Variants in CDH18 observed in about 807,000 individuals in gnomAD.
CDH18 encodes the protein cadherin 18, also known as cadherin-18.
A neutral mutation model predicts 67.9 loss-of-function variants in CDH18; 31 were observed. The ratio of observed to expected loss-of-function variants is 0.46; its 90% CI spans 0.34 to 0.62. The LOEUF (loss-of-function observed/expected upper bound fraction) is 0.62, where lower values mean the gene tolerates loss of function less well. CDH18 is among the 20% of genes least tolerant of loss of function. The probability of loss-of-function intolerance (pLI) is 0.01; values close to 1 mark genes in which losing one functional copy is unlikely to be tolerated. For missense variants in CDH18, 890 were observed against 975.5 expected, an observed-to-expected ratio of 0.91 and a Z score of 1.17; for synonymous variants, 362 against 347.2, an observed-to-expected ratio of 1.04 and a Z score of -0.48.
intron 5 of CDH18, among the ~76,000 whole-genome samples, chr5:19,670,370 T>C (rs937308071): frequency 2.0e-5 from 3 of 152,130 alleles, no homozygotes; most frequent in African/African-American, 7.2e-5. Context: ...ACAGCGTATC[T>C]GCATAGATTT....
intron 5 of CDH18, among the ~76,000 whole-genome samples, chr5:19,648,528 G>A (rs1229688415): frequency 6.6e-6 from 1 of 152,054 alleles, no homozygotes; most frequent in Non-Finnish European, 1.5e-5. Flanking sequence ...TTGTTTTATT[G>A]TTTTCAAATT....
At chr5:20,059,333 G>A (rs1220806734) in intron 2 of CDH18, among the ~76,000 whole-genome samples, 1 of 152,058 alleles carries the variant, frequency 6.6e-6, no homozygotes, top group Non-Finnish European at 1.5e-5. Context: ...GCCTCCTTCA[G>A]TTCTGCTCTG....
chr5:19,554,488 T>A (rs554178654), intron 8 of CDH18, among the ~76,000 whole-genome samples: 3 of 151,892 alleles, frequency 2.0e-5, no homozygotes, highest in Admixed American at 2.0e-4. Flanking sequence ...AGGAGGTGGT[T>A]GCAGTGAGCC....
intron 5 of CDH18, among the ~76,000 whole-genome samples, chr5:19,641,779 CTCTCATTATT>C (rs952820676): frequency 3.3e-5 from 5 of 151,846 alleles, no homozygotes; most frequent in African/African-American, 1.2e-4. Context: ...AGGATATCCA[CTCTCATTATT>C]TCTTTTCAAC....
intron 1 of CDH18, among the ~76,000 whole-genome samples, chr5:20,393,966 T>A (rs1458405614): frequency 3.9e-5 from 6 of 151,998 alleles, no homozygotes; most frequent in Non-Finnish European, 5.9e-5. Context: ...TTCAATATCA[T>A]GACAATGACC....
chr5:19,554,047 C>T (rs911348328), intron 8 of CDH18, among the ~76,000 whole-genome samples: 1 of 151,934 alleles, frequency 6.6e-6, no homozygotes. Context: ...ATACACAAGC[C>T]ATGCATTGAG....
rs4419596 is a variant in CDH18 at position 19,798,690 on chromosome 5, C to T, written c.228+40069G>A. Among the ~76,000 whole-genome samples the T allele has an allele frequency of 2.6e-5, 4 of 152,004 alleles. No individual in the cohort carries two copies. In the South Asian group the frequency reaches 6.2e-4, roughly 24 times the overall value. On this transcript the variant is annotated intron_variant, in intron 3 of 12. Transcript: ENST00000382275. ...ATATTACATGTTGAAAATCAATTTC[C>T]GCTCATTCTAAAACTACAAGATAAA... is the stretch of plus-strand genomic sequence containing the variant.
chr5:20,563,155 A>T (rs890584108), intron 1 of CDH18, among the ~76,000 whole-genome samples: 1 of 146,940 alleles, frequency 6.8e-6, no homozygotes, highest in Non-Finnish European at 1.5e-5. Flanking sequence ...ATGTCTCTGC[A>T]ACAAATAATA....
At chr5:19,497,018 G>A (rs115135814) in intron 11 of CDH18, among the ~76,000 whole-genome samples, 2,176 of 151,852 alleles carry the variant, frequency 0.014, 62 homozygotes, top group African/African-American at 0.049. Context: ...CTCAGTCTCA[G>A]GTATTCCACT....
At chr5:19,515,644 TTTTG>T (rs1579940856) in intron 10 of CDH18, among the ~76,000 whole-genome samples, 1 of 152,050 alleles carries the variant, frequency 6.6e-6, no homozygotes, top group East Asian at 1.9e-4. Context: ...TGATTTGGCC[TTTTG>T]TTTGTCTGTT....
chr5:19,525,409 C>CCTACTAT (rs1747603555), intron 9 of CDH18, among the ~76,000 whole-genome samples: 1 of 151,200 alleles, frequency 6.6e-6, no homozygotes, highest in African/African-American at 2.5e-5. Context: ...AGGGTAATAT[C>CCTACTAT]AGTTTCGTCT....
chr5:20,165,252 T>G (rs1470000490), intron 2 of CDH18, among the ~76,000 whole-genome samples: 1 of 151,998 alleles, frequency 6.6e-6, no homozygotes, highest in Non-Finnish European at 1.5e-5. Flanking sequence ...TGATTAAACG[T>G]GTTATCTTTA....
intron 2 of CDH18, among the ~76,000 whole-genome samples, chr5:20,134,075 T>C (rs1413711893): frequency 6.6e-6 from 1 of 152,118 alleles, no homozygotes; most frequent in Non-Finnish European, 1.5e-5. Context: ...GTTCAAGTGA[T>C]TCTCCTGCCT....
chr5:20,106,000 T>C (rs1746902406), intron 2 of CDH18, among the ~76,000 whole-genome samples: 1 of 152,254 alleles, frequency 6.6e-6, no homozygotes, highest in Non-Finnish European at 1.5e-5. Context: ...TTCTCTTTTC[T>C]GTCCCCCTTT....
chr5:19,625,178 T>C (rs1158740333), intron 5 of CDH18, among the ~76,000 whole-genome samples: 2 of 152,222 alleles, frequency 1.3e-5, no homozygotes, highest in African/African-American at 4.8e-5. Flanking sequence ...CCACCCTCAG[T>C]AATACTGGCC....
intron 1 of CDH18, among the ~76,000 whole-genome samples, chr5:20,526,273 C>G (rs1327086638): frequency 6.6e-6 from 1 of 152,058 alleles, no homozygotes; most frequent in Non-Finnish European, 1.5e-5. Flanking sequence ...TCCCTGGGAC[C>G]GAGCACCTAG....
chr5:20,509,334 C>T (rs565332642), intron 1 of CDH18, among the ~76,000 whole-genome samples: 1 of 151,446 alleles, frequency 6.6e-6, no homozygotes, highest in Non-Finnish European at 1.5e-5. Context: ...GGTATTTGTC[C>T]TTTTGTGCCT....
At chr5:19,494,872 G>A (rs1047468212) in intron 11 of CDH18, among the ~76,000 whole-genome samples, 1 of 152,196 alleles carries the variant, frequency 6.6e-6, no homozygotes, top group African/African-American at 2.4e-5. Flanking sequence ...TGTTATCCCA[G>A]TTAAGATTTG....
intron 1 of CDH18, among the ~76,000 whole-genome samples, chr5:20,446,796 T>A (rs1222488705): frequency 6.6e-6 from 1 of 152,204 alleles, no homozygotes; most frequent in Non-Finnish European, 1.5e-5. Flanking sequence ...GGAATAACCA[T>A]GATCTGTCCT....
Sources: allele counts gnomAD v4.1 joint callset (sites outside exome capture counted in the v4.1 genomes callset), GRCh38; gene constraint gnomAD v4.1.1; transcripts MANE v1.5; gene names NCBI Gene and HGNC (gene_info 2026-07-23, HGNC 2026-07-21).